Variants in MEP1B observed in about 807,000 individuals in gnomAD.
MEP1B encodes N-benzoyl-L-tyrosyl-P-amino-benzoic acid hydrolase subunit beta.
MEP1B carries 80 observed loss-of-function variants against 84.6 expected under a neutral mutation model. That is an observed-to-expected ratio of 0.95 (90% CI 0.79 to 1.14). The LOEUF is 1.14. MEP1B is among the 50% of genes most tolerant of loss of function. MEP1B has a pLI of 0.00. For missense variants in MEP1B, 766 were observed against 855.1 expected, an observed-to-expected ratio of 0.90 and a Z score of 1.30; for synonymous variants, 273 against 288.1, an observed-to-expected ratio of 0.95 and a Z score of 0.53.
Position 32,195,493 on chromosome 18 carries a change from T to G in MEP1B, c.250+8T>G. On this transcript the variant is annotated splice_region_variant and intron_variant, in intron 5 of 14. Transcript: ENST00000269202. ...TTCTAGAAGATAGCTTGGGTTAGTATGCACCTTGAAGTATCCATAACTAAT... is the reference window on the plus strand; with the variant it reads ...TTCTAGAAGATAGCTTGGGTTAGTAGGCACCTTGAAGTATCCATAACTAAT... 1 of 1,563,076 alleles carries G rather than the reference T, an allele frequency of 6.4e-7. No homozygotes were observed. Among genetic ancestry groups the G allele is most frequent in the Non-Finnish European group, 8.8e-7 (1 of 1,135,526 alleles).
At chr18:32,200,634 C>T (rs953783862) in intron 5 of MEP1B, among the ~76,000 whole-genome samples, 1 of 152,182 alleles carries the variant, frequency 6.6e-6, no homozygotes, top group African/African-American at 2.4e-5. Context: ...TACTCAGATT[C>T]TAGTAGGTCA....
Position 32,217,886 on chromosome 18 carries a change from C to G in MEP1B, c.2012C>G (p.Thr671Ser). Residue 671 changes from threonine to serine, a missense_variant, in exon 14 of 15, where the codon ACC (threonine) becomes AGC (serine). By Grantham distance (58) the Thr-to-Ser change is moderately conservative. Transcript: ENST00000269202. ...GTGTTTGCCTTGATGCTGATCATCA[C>G]CCTTGTCAGTGTCTATTGCACCAGG... is the stretch of plus-strand genomic sequence containing the variant. Reference protein sequence around the residue: ...VAVFALMLIITLVSVYCTRKK... With the variant: ...VAVFALMLIISLVSVYCTRKK... 1 of 1,613,914 alleles carries G rather than the reference C, an allele frequency of 6.2e-7. No homozygotes were observed. Among genetic ancestry groups the G allele is most frequent in the Non-Finnish European group, 8.5e-7 (1 of 1,179,892 alleles).
intron 9 of MEP1B, among the ~76,000 whole-genome samples, chr18:32,209,006 G>T (rs1231030569): frequency 6.6e-6 from 1 of 152,120 alleles, no homozygotes; most frequent in Non-Finnish European, 1.5e-5. Flanking sequence ...GGAGGGAGGG[G>T]GAAAAGAAGA....
chr18:32,202,282 A>C (rs556075236), intron 5 of MEP1B, among the ~76,000 whole-genome samples: 9 of 152,212 alleles, frequency 5.9e-5, no homozygotes, highest in African/African-American at 2.2e-4. Context: ...CTTTTCCTGC[A>C]TGTTGTTTCT....
At chr18:32,211,092 C>T (rs2041022267) in intron 10 of MEP1B, among the ~76,000 whole-genome samples, 1 of 152,042 alleles carries the variant, frequency 6.6e-6, no homozygotes, top group Non-Finnish European at 1.5e-5. Context: ...ATAGTGAAAC[C>T]TTGTCTCTAC....
chr18:32,193,137 C>T (rs182260333), intron 4 of MEP1B, among the ~76,000 whole-genome samples: 3 of 152,274 alleles, frequency 2.0e-5, no homozygotes, highest in African/African-American at 7.2e-5. Flanking sequence ...CTCACAGATT[C>T]AATCTAGTGG....
chr18:32,205,297 A>C (rs2040953553), intron 7 of MEP1B, among the ~76,000 whole-genome samples: 1 of 152,174 alleles, frequency 6.6e-6, no homozygotes, highest in Non-Finnish European at 1.5e-5. Context: ...AAGTCTTAAT[A>C]ACTATGTCTG....
Position 32,207,361 on chromosome 18 carries a change from A to T in MEP1B, c.657A>T (p.Gly219=). 6.2e-7 allele frequency: 1 copy of T among 1,613,292 alleles called. No homozygotes were observed. The highest frequency in any genetic ancestry group is 1.1e-5 in the South Asian group (1 of 90,858). Reference sequence around the variant, plus strand: ...ACAGTAAAACTGCATTCCAAAATGGAACAGAGCCGACAATTGTCACAAGAA... The same window carrying T: ...ACAGTAAAACTGCATTCCAAAATGGTACAGAGCCGACAATTGTCACAAGAA... The part of the protein sequence containing the change: ...MHYSKTAFQN[G]TEPTIVTRIS... The change falls in exon 8 of 15, where the codon GGA becomes GGT. Residue 219 remains glycine, a synonymous_variant. Transcript: ENST00000269202.
intron 5 of MEP1B, among the ~76,000 whole-genome samples, chr18:32,201,203 C>T (rs2040907845): frequency 6.6e-6 from 1 of 151,986 alleles, no homozygotes; most frequent in South Asian, 2.1e-4. Context: ...TCAGTATTAT[C>T]ATACCTTATT....
At chr18:32,200,366 T>C (rs1204867659) in intron 5 of MEP1B, among the ~76,000 whole-genome samples, 1 of 152,170 alleles carries the variant, frequency 6.6e-6, no homozygotes, top group Non-Finnish European at 1.5e-5. Context: ...GTCTTTATAA[T>C]AGAATCAAAC....
At chr18:32,215,717 G>A (rs1051790148) in intron 12 of MEP1B, among the ~76,000 whole-genome samples, 14 of 152,138 alleles carry the variant, frequency 9.2e-5, no homozygotes, top group Middle Eastern at 3.4e-3. Context: ...CCAGCTACTC[G>A]GGAGGCTGAG....
chr18:32,198,712 TGTC>T, intron 5 of MEP1B, among the ~76,000 whole-genome samples: 2 of 152,214 alleles, frequency 1.3e-5, no homozygotes, highest in South Asian at 2.1e-4. Flanking sequence ...TTAAAGAACT[TGTC>T]GTGTATACTA....
intron 8 of MEP1B, among the ~76,000 whole-genome samples, chr18:32,207,735 T>C (rs1484793538): frequency 6.6e-6 from 1 of 152,242 alleles, no homozygotes; most frequent in Non-Finnish European, 1.5e-5. Flanking sequence ...CTGTTACTAA[T>C]TCAAACCTCG....
chr18:32,195,438 A>G lies in MEP1B; in HGVS notation c.203A>G (p.Lys68Arg), dbSNP rs1206083491. The change falls in exon 5 of 15, where the codon AAG becomes AGG. Residue 68 changes from lysine (K) to arginine (R), a missense_variant. Physicochemically the swap from Lys to Arg is conservative, Grantham distance 26. Coordinates refer to ENST00000269202, the MANE Select transcript of MEP1B (RefSeq NM_005925.3). ...ATTAGAAATTCCATCATTGGAGAAA[A>G]GTATAGATGGCCTCATACCATTCCA... is the stretch of plus-strand genomic sequence containing the variant. ...AQIRNSIIGEKYRWPHTIPYV... is the reference protein window; with the variant it reads ...AQIRNSIIGERYRWPHTIPYV... 6.2e-7 allele frequency: 1 copy of G among 1,612,434 alleles called. No homozygotes were observed. The highest frequency in any genetic ancestry group is 8.5e-7 in the Non-Finnish European group (1 of 1,178,876).
chr18:32,202,248 T>C (rs1375408450), intron 5 of MEP1B, among the ~76,000 whole-genome samples: 1 of 152,200 alleles, frequency 6.6e-6, no homozygotes, highest in Admixed American at 6.5e-5. Flanking sequence ...ATACAGCCCG[T>C]TCCTCCTGGT....
chr18:32,195,253 AAAGTAGGGCTACACAC>A lies in MEP1B; in HGVS notation c.172-152_172-137del, dbSNP rs1302061451. Among the ~76,000 whole-genome samples, 217 of 142,086 alleles carry A rather than the reference AAAGTAGGGCTACACAC, an allele frequency of 1.5e-3. 1 individual carries two copies. Among genetic ancestry groups the A allele is most frequent in the African/African-American group, 5.7e-3 (203 of 35,350 alleles). 93.2% of individuals were successfully genotyped at this position (142,086 alleles called of 152,430 possible). A position where few individuals can be genotyped will look rare whatever the true frequency, so the allele number is the denominator to read the frequency against. On this transcript the variant is annotated intron_variant, in intron 4 of 14. Transcript: ENST00000269202. ...CTAGAAACTTTGTTATATTATGATA[AAAGTAGGGCTACACAC>A]ACACACACACACACACACACAATTT... is the stretch of plus-strand genomic sequence containing the variant.
At chr18:32,217,324 G>GA (rs1418274144) in intron 13 of MEP1B, among the ~76,000 whole-genome samples, 3 of 151,366 alleles carry the variant, frequency 2.0e-5, no homozygotes, top group Non-Finnish European at 2.9e-5. Flanking sequence ...ATTTTTTTAT[G>GA]AAAAAAATAG....
intron 12 of MEP1B, among the ~76,000 whole-genome samples, chr18:32,215,995 T>C (rs79510354): frequency 5.0e-5 from 1 of 19,844 alleles, no homozygotes. Context: ...TATATATATA[T>C]ATATATATAT....
chr18:32,195,312 G>C (rs1229227545), intron 4 of MEP1B, 95 bp from the exon 5 acceptor site: 1 of 742,052 alleles, frequency 1.3e-6, no homozygotes, highest in Non-Finnish European at 2.3e-6. Context: ...CGAACTGGGA[G>C]AGCTTTAAAC....
Sources: gnomAD v4.1 joint callset for allele counts (sites outside exome capture counted in the v4.1 genomes callset) on GRCh38, gnomAD v4.1.1 for gene constraint, MANE v1.5 for transcripts, NCBI Gene and HGNC (gene_info 2026-07-23, HGNC 2026-07-21) for gene names.